Variants in BTN1A1 observed in about 807,000 individuals in gnomAD.
The protein encoded by BTN1A1 is butyrophilin subfamily 1 member A1.
A neutral mutation model predicts 33.1 loss-of-function variants in BTN1A1; 26 were observed. The observed-to-expected ratio is 0.79, with a 90% confidence interval of 0.58 to 1.09. The LOEUF (loss-of-function observed/expected upper bound fraction) is 1.09. Ranked by LOEUF, BTN1A1 falls within the 50% of genes least tolerant of loss-of-function variation. The pLI is 0.00. For synonymous variants in BTN1A1, 235 were observed against 256.2 expected (o/e 0.92, Z 0.79); for missense variants, 558 against 655.7 (o/e 0.85, Z 1.63).
Position 26,502,047 on chromosome 6 carries a change from T to C in BTN1A1, c.427+110T>C, listed in dbSNP as rs144864392. 7.5e-3 allele frequency: 10,307 copies of C among 1,381,246 alleles called. 62 individuals carry two copies. Among genetic ancestry groups the C allele is most frequent in the East Asian group, 0.021 (825 of 38,868 alleles). 85.6% of individuals were successfully genotyped at this position (1,381,246 alleles called of 1,614,324 possible). On this transcript the variant is annotated intron_variant, in intron 3 of 7. Coordinates refer to ENST00000684113, the MANE Select transcript of BTN1A1 (RefSeq NM_001732.3). ...ATTCATTCTCAAAATCTCTTTTAGG[T>C]TGATGTCGCCGGGGAGGGACGACTA...
Position 26,508,563 on chromosome 6 carries a change from T to C in BTN1A1, c.970T>C (p.Ser324Pro). ...PHLFLYEDSK[S>P]VRLEDSRQKL... ...CCTCTTTCTTTATGAGGATTCAAAA[T>C]CTGTTCGACTGGAAGATTCACGTCA... Residue 324 changes from serine (S) to proline (P), a missense_variant, in exon 8 of 8, where the codon TCT becomes CCT. By Grantham distance (74) the Ser-to-Pro change is moderately conservative. Coordinates refer to ENST00000684113, the MANE Select transcript of BTN1A1 (RefSeq NM_001732.3). 1 of 1,614,154 alleles carries C rather than the reference T, an allele frequency of 6.2e-7. No individual in the cohort carries two copies. The highest frequency in any genetic ancestry group is 8.5e-7 in the Non-Finnish European group (1 of 1,180,028).
Position 26,509,468 on chromosome 6 carries a change from T to C in BTN1A1, c.*294T>C. ...CTTGGAGCAAACTCAAAGGACAGAT[T>C]AGGGATCGAGATTGGGTCAGGTTAG... On this transcript the variant is annotated 3_prime_UTR_variant, in exon 8 of 8. Coordinates refer to ENST00000684113, the MANE Select transcript of BTN1A1 (RefSeq NM_001732.3). The C allele has an allele frequency of 3.2e-6, 1 of 312,344 alleles. No homozygotes were observed. Among genetic ancestry groups the C allele is most frequent in the East Asian group, 6.4e-5 (1 of 15,666 alleles). The allele number at this position is 312,344 out of a possible 1,614,324, so 19.3% of individuals were successfully genotyped here.
rs776530801 is a variant in BTN1A1 at position 26,501,891 on chromosome 6, G to C, written c.381G>C (p.Arg127Ser). 4 of 1,600,900 alleles carry C rather than the reference G, an allele frequency of 2.5e-6. No individual in the cohort carries two copies. The South Asian group carries it at 4.4e-5, about 18-fold the overall frequency. The change falls in exon 3 of 8, where the codon AGG (arginine) becomes AGC (serine). Residue 127 changes from arginine (R) to serine (S), a missense_variant. Arg to Ser is a moderately radical substitution (Grantham distance 110, BLOSUM62 -1). Transcript: ENST00000684113. The surrounding 1 kb of genome is among the most constrained non-coding windows in gnomAD (Gnocchi z 5.2). ...SDDGEYTCFF[R>S]EDGSYEEALV... ...ACGGGGAGTACACGTGCTTTTTCAG[G>C]GAGGATGGAAGCTACGAAGAAGCCC...
intron 5 of BTN1A1, 140 bp from the exon 6 acceptor site, chr6:26,507,810 C>A: frequency 4.5e-6 from 4 of 893,880 alleles, no homozygotes; most frequent in Non-Finnish European, 7.0e-6. Context: ...AATCCTTGTT[C>A]TTGATTTATT....
In BTN1A1 at chr6:26,501,466, A is replaced by G; in HGVS notation, c.79+101A>G. 1 of 1,573,536 alleles carries G rather than the reference A, an allele frequency of 6.4e-7. No homozygotes were observed. The highest frequency in any genetic ancestry group is 1.1e-5 in the South Asian group (1 of 89,580). ...CTCCCTGGAGACCTCCACTGGATCCAGACAAACTCAGCTGTCAAAGGAGTA... is the reference window on the plus strand; with the variant it reads ...CTCCCTGGAGACCTCCACTGGATCCGGACAAACTCAGCTGTCAAAGGAGTA... On this transcript the variant is annotated intron_variant, in intron 2 of 7. Coordinates refer to ENST00000684113, the MANE Select transcript of BTN1A1 (RefSeq NM_001732.3). This position sits in a 1 kb window ranked among gnomAD's most constrained non-coding sequence, Gnocchi z 5.2.
chr6:26,509,685 C>T lies in BTN1A1; in HGVS notation c.*511C>T, dbSNP rs1763918410. The stretch of plus-strand genomic sequence containing the variant: ...CCAGGCACATGATGAACACCTGGCT[C>T]ATCCATAGAGTTTTCACAGCCTATA... On this transcript the variant is annotated 3_prime_UTR_variant, in exon 8 of 8. Transcript: ENST00000684113. The T allele has an allele frequency of 6.4e-6, 1 of 157,072 alleles. No individual in the cohort carries two copies. Among genetic ancestry groups the T allele is most frequent in the African/African-American group, 2.4e-5 (1 of 41,458 alleles). 9.7% of individuals were successfully genotyped at this position (157,072 alleles called of 1,614,324 possible).
chr6:26,508,229 T>C (rs565447638), intron 7 of BTN1A1, 142 bp downstream of exon 7: 71 of 1,153,758 alleles, frequency 6.2e-5, no homozygotes, highest in South Asian at 1.1e-4. Flanking sequence ...GCCTCAACAG[T>C]TTCTGTGAGG....
intron 3 of BTN1A1, among the ~76,000 whole-genome samples, chr6:26,502,451 AC>A (rs1193453397): frequency 6.6e-6 from 1 of 152,224 alleles, no homozygotes; most frequent in Non-Finnish European, 1.5e-5. Context: ...TTAGGACTCC[AC>A]AGCTAGAAGG....
chr6:26,508,189 G>A, intron 7 of BTN1A1, 102 bp downstream of exon 7: 1 of 1,364,324 alleles, frequency 7.3e-7, no homozygotes. Flanking sequence ...TTAGTGATGA[G>A]GACAGGAAGG....
intron 4 of BTN1A1, 23 bp downstream of exon 4, chr6:26,505,229 G>T: frequency 3.7e-6 from 6 of 1,604,276 alleles, no homozygotes; most frequent in Non-Finnish European, 5.1e-6. Context: ...AATGCTGCTG[G>T]ATTCCTATGT....
At chr6:26,506,035 T>C (rs1277440711) in intron 4 of BTN1A1, among the ~76,000 whole-genome samples, 2 of 150,324 alleles carry the variant, frequency 1.3e-5, no homozygotes, top group Non-Finnish European at 3.0e-5. Flanking sequence ...AGGAGAATGG[T>C]GTGAACCCGG....
chr6:26,509,006 C>T lies in BTN1A1; in HGVS notation c.1413C>T (p.Thr471=), dbSNP rs1763909952. 1 of 1,614,212 alleles carries T rather than the reference C, an allele frequency of 6.2e-7. No homozygotes were observed. Among genetic ancestry groups the T allele is most frequent in the Non-Finnish European group, 8.5e-7 (1 of 1,180,042 alleles). ...GGTCTAGCGGTAAAAAGCCCCTGAC[C>T]ATCTGCCCAATTGCTGATGGGCCTG... ...CLWSSGKKPL[T]ICPIADGPER... The change falls in exon 8 of 8, where the codon ACC becomes ACT. Residue 471 remains threonine (T), a synonymous_variant. Transcript: ENST00000684113.
In BTN1A1 at chr6:26,509,298, T is replaced by G. The variant is rs932450639; in HGVS notation, c.*124T>G. The G allele has an allele frequency of 3.3e-6, 3 of 908,392 alleles. No individual in the cohort carries two copies. In the African/African-American group the frequency reaches 5.0e-5, roughly 15 times the overall value. The allele number at this position is 908,392 out of a possible 1,614,324, so 56.3% of individuals were successfully genotyped here. A position where few individuals can be genotyped will look rare whatever the true frequency, so the allele number is the denominator to read the frequency against. On this transcript the variant is annotated 3_prime_UTR_variant, in exon 8 of 8. Transcript: ENST00000684113. The stretch of plus-strand genomic sequence containing the variant: ...GTTGGGTGGCAATTAATTAATCCTG[T>G]GAAGGTTACATTGCTGCTGCTAGAG...
intron 3 of BTN1A1, among the ~76,000 whole-genome samples, chr6:26,503,826 A>T (rs1405348145): frequency 1.3e-5 from 2 of 152,132 alleles, no homozygotes; most frequent in African/African-American, 4.8e-5. Context: ...AAGCTTGATT[A>T]TAAAAACATA....
chr6:26,501,187 G>T lies in BTN1A1; in HGVS notation c.-57-43G>T. 1 of 1,017,622 alleles carries T rather than the reference G, an allele frequency of 9.8e-7. No individual in the cohort carries two copies. The highest frequency in any genetic ancestry group is 1.6e-5 in the African/African-American group (1 of 63,600). The allele number at this position is 1,017,622 out of a possible 1,614,324, so 63.0% of individuals were successfully genotyped here. A position where few individuals can be genotyped will look rare whatever the true frequency, so the allele number is the denominator to read the frequency against. ...TAGAGAGGACTTTGGAAAGCGGAGG[G>T]TTGACAGAGCCGGTAGTTGTCTCCT... On this transcript the variant is annotated intron_variant, in intron 1 of 7. Transcript: ENST00000684113. The surrounding 1 kb of genome is among the most constrained non-coding windows in gnomAD (Gnocchi z 5.2).
chr6:26,507,820 T>G (rs1763890891), intron 5 of BTN1A1, 130 bp from the exon 6 acceptor site: 4 of 936,152 alleles, frequency 4.3e-6, no homozygotes. Context: ...CTTGATTTAT[T>G]GGCAATGCTT....
Position 26,501,292 on chromosome 6 carries a change from A to G in BTN1A1, c.6A>G (p.Ala2=). The change falls in exon 2 of 8, where the codon GCA becomes GCG. Residue 2 remains alanine (A), a synonymous_variant. Coordinates refer to ENST00000684113, the MANE Select transcript of BTN1A1 (RefSeq NM_001732.3). This position sits in a 1 kb window ranked among gnomAD's most constrained non-coding sequence, Gnocchi z 5.2. ...CTGCTCCAGAAGGGTGGGAGATGGC[A>G]GTTTTCCCAAGCTCCGGTCTCCCCA... M[A]VFPSSGLPRC... 1.2e-6 allele frequency: 2 copies of G among 1,614,064 alleles called. No homozygotes were observed. Among genetic ancestry groups the G allele is most frequent in the Non-Finnish European group, 1.7e-6 (2 of 1,179,932 alleles).
At position 26,509,467 on chromosome 6, in the gene BTN1A1, T is replaced by C. The variant is rs553118057; in HGVS notation, c.*293T>C. On this transcript the variant is annotated 3_prime_UTR_variant, in exon 8 of 8. Coordinates refer to ENST00000684113, the MANE Select transcript of BTN1A1 (RefSeq NM_001732.3). Reference sequence around the variant, plus strand: ...ACTTGGAGCAAACTCAAAGGACAGATTAGGGATCGAGATTGGGTCAGGTTA... The same window carrying C: ...ACTTGGAGCAAACTCAAAGGACAGACTAGGGATCGAGATTGGGTCAGGTTA... The C allele has an allele frequency of 8.9e-5, 28 of 314,552 alleles. No individual in the cohort carries two copies. The South Asian group carries it at 1.8e-3, about 20-fold the overall frequency. The allele number at this position is 314,552 out of a possible 1,614,324, so 19.5% of individuals were successfully genotyped here. A position where few individuals can be genotyped will look rare whatever the true frequency, so the allele number is the denominator to read the frequency against.
rs1310948890 is a variant in BTN1A1 at position 26,501,709 on chromosome 6, C to G, written c.199C>G (p.Arg67Gly). 6 of 1,613,962 alleles carry G rather than the reference C, an allele frequency of 3.7e-6. No individual in the cohort carries two copies. Among genetic ancestry groups the G allele is most frequent in the Non-Finnish European group, 5.1e-6 (6 of 1,180,020 alleles). Residue 67 changes from arginine (R) to glycine (G), a missense_variant, in exon 3 of 8, where the codon CGA (arginine) becomes GGA (glycine). By Grantham distance (125) the Arg-to-Gly change is moderately radical (BLOSUM62 -2). Transcript: ENST00000684113. The surrounding 1 kb of genome is among the most constrained non-coding windows in gnomAD (Gnocchi z 5.2). The part of the protein sequence containing the change: ...SAEHLELRWF[R>G]KKVSPAVLVH... ...CGAGCACTTGGAGCTACGCTGGTTC[C>G]GAAAGAAGGTTTCGCCGGCCGTGCT... is the stretch of plus-strand genomic sequence containing the variant.
Sources: gnomAD v4.1 joint callset for allele counts (sites outside exome capture counted in the v4.1 genomes callset) on GRCh38, gnomAD v4.1.1 for gene constraint, Gnocchi (gnomAD v3.1) non-coding constraint, MANE v1.5 for transcripts, NCBI Gene and HGNC (gene_info 2026-07-23, HGNC 2026-07-21) for gene names.